COLEC12: variants seen among roughly 807,000 people sequenced by gnomAD.
COLEC12 encodes the protein collectin subfamily member 12, also known as collectin-12.
In COLEC12, 33 loss-of-function variants were observed where a neutral mutation model predicts 71.1. The ratio of observed to expected loss-of-function variants is 0.46; its 90% CI spans 0.35 to 0.62. COLEC12 has a LOEUF of 0.62. Ranked by LOEUF, COLEC12 falls within the 20% of genes least tolerant of loss-of-function variation. The probability of loss-of-function intolerance (pLI) is 0.00; values close to 1 mark genes in which losing one functional copy is unlikely to be tolerated. For synonymous variants in COLEC12, 350 were observed against 353.0 expected (o/e 0.99, Z 0.10); for missense variants, 765 against 916.1 (o/e 0.84, Z 2.13).
In COLEC12 at chr18:410,878, C is replaced by T. The variant is rs577872286; in HGVS notation, c.59-53356G>A. The stretch of plus-strand genomic sequence containing the variant: ...CTTTTCAATAATAAATGCTCAACAC[C>T]AGCCAAAAACCACAGAATCCCCACC... On this transcript the variant is annotated intron_variant, in intron 2 of 9. Coordinates refer to ENST00000400256, the MANE Select transcript of COLEC12 (RefSeq NM_130386.3). 3.9e-5 allele frequency among the ~76,000 whole-genome samples: 6 copies of T among 152,266 alleles called. No homozygotes were observed. The South Asian group carries it at 1.2e-3, about 32-fold the overall frequency.
intron 2 of COLEC12, among the ~76,000 whole-genome samples, chr18:414,511 T>C (rs1285317670): frequency 6.6e-6 from 1 of 151,986 alleles, no homozygotes. Context: ...GGCAGGAGAA[T>C]CACTTGAACC....
intron 2 of COLEC12, among the ~76,000 whole-genome samples, chr18:385,035 G>A (rs1050332273): frequency 6.6e-6 from 1 of 152,230 alleles, no homozygotes; most frequent in Admixed American, 6.5e-5. Flanking sequence ...ATTTAAGAAG[G>A]CAGAACTCTG....
chr18:485,263 A>G (rs1917498114), intron 1 of COLEC12, among the ~76,000 whole-genome samples: 2 of 152,228 alleles, frequency 1.3e-5, no homozygotes, highest in Non-Finnish European at 2.9e-5. Flanking sequence ...CTCTTTAGCA[A>G]CTTAATACTT....
chr18:348,006 A>C lies in COLEC12; in HGVS notation c.280+59T>G. On this transcript the variant is annotated intron_variant, in intron 4 of 9. Transcript: ENST00000400256. ...AGTTTATAGCAACATCATTCTAAGAAGCTGTGGTCATTTATGTAGAGTCAG... is the reference window on the plus strand; with the variant it reads ...AGTTTATAGCAACATCATTCTAAGACGCTGTGGTCATTTATGTAGAGTCAG... 5.3e-6 allele frequency: 6 copies of C among 1,122,820 alleles called. No homozygotes were observed. In the South Asian group the frequency reaches 7.9e-5, roughly 15 times the overall value. The allele number at this position is 1,122,820 out of a possible 1,614,324, so 69.6% of individuals were successfully genotyped here. A position where few individuals can be genotyped will look rare whatever the true frequency, so the allele number is the denominator to read the frequency against.
intron 2 of COLEC12, among the ~76,000 whole-genome samples, chr18:423,591 T>C (rs1916140423): frequency 6.6e-6 from 1 of 152,162 alleles, no homozygotes; most frequent in Admixed American, 6.5e-5. Flanking sequence ...CTTAAGAAAT[T>C]ACTCTTTCTA....
intron 3 of COLEC12, among the ~76,000 whole-genome samples, chr18:351,339 T>C (rs1045229702): frequency 6.6e-6 from 1 of 152,020 alleles, no homozygotes; most frequent in Non-Finnish European, 1.5e-5. Context: ...TCTTCAAGAC[T>C]CTGCTTGTCA....
intron 3 of COLEC12, among the ~76,000 whole-genome samples, chr18:352,284 A>G (rs1002221757): frequency 6.6e-6 from 1 of 152,180 alleles, no homozygotes; most frequent in African/African-American, 2.4e-5. Flanking sequence ...TTTGATCCTC[A>G]AATCAAAACA....
intron 2 of COLEC12, among the ~76,000 whole-genome samples, chr18:406,240 T>G (rs138063633): frequency 6.6e-6 from 1 of 152,272 alleles, no homozygotes; most frequent in Non-Finnish European, 1.5e-5. Context: ...CCGGGCGCAG[T>G]GGCTCACGCC....
intron 2 of COLEC12, among the ~76,000 whole-genome samples, chr18:452,376 G>T (rs1017634836): frequency 6.6e-6 from 1 of 152,266 alleles, no homozygotes; most frequent in South Asian, 2.1e-4. Flanking sequence ...GCTATAGTAA[G>T]AATTAATTGA....
chr18:376,576 G>A (rs1034766398), intron 2 of COLEC12, among the ~76,000 whole-genome samples: 4 of 152,186 alleles, frequency 2.6e-5, no homozygotes, highest in Admixed American at 2.0e-4. Context: ...CCCATGACTG[G>A]ACTATCTAGT....
intron 3 of COLEC12, among the ~76,000 whole-genome samples, chr18:354,140 A>T (rs73373556): frequency 0.04 from 6,144 of 152,322 alleles, 377 homozygotes; most frequent in African/African-American, 0.13. Context: ...AAGAAACATG[A>T]CACATTGAAC....
chr18:438,907 C>T lies in COLEC12; in HGVS notation c.58+41800G>A, dbSNP rs142562306. ...GAAGACCAGAGCTAAAGTTAGGAGA[C>T]GAGGCCATGATGGTGAGGAGTTAAA... On this transcript the variant is annotated intron_variant, in intron 2 of 9. Coordinates refer to ENST00000400256, the MANE Select transcript of COLEC12 (RefSeq NM_130386.3). Among the ~76,000 whole-genome samples, 576 of 151,484 alleles carry T rather than the reference C, an allele frequency of 3.8e-3. 1 individual carries two copies. The highest frequency in any genetic ancestry group is 6.1e-3 in the Non-Finnish European group (414 of 67,944).
chr18:386,819 T>C (rs1915354789), intron 2 of COLEC12, among the ~76,000 whole-genome samples: 2 of 152,208 alleles, frequency 1.3e-5, no homozygotes, highest in South Asian at 2.1e-4. Flanking sequence ...CTAGTTTCCA[T>C]AGGTCTCAAA....
In COLEC12 at chr18:331,686, C is replaced by T. The variant is rs762898234; in HGVS notation, c.2045G>A (p.Gly682Glu). 6.2e-7 allele frequency: 1 copy of T among 1,610,382 alleles called. No individual in the cohort carries two copies. Among genetic ancestry groups the T allele is most frequent in the South Asian group, 1.1e-5 (1 of 91,000 alleles). Residue 682 changes from glycine to glutamate, a missense_variant, in exon 8 of 10, where the codon GGG (glycine) becomes GAG (glutamate). Coordinates refer to ENST00000400256, the MANE Select transcript of COLEC12 (RefSeq NM_130386.3). The stretch of plus-strand genomic sequence containing the variant: ...TACTTACTTGTAGTCTGGAGATGTC[C>T]CATCCAGCCACTTCCATTCATTTTC... ...ERENEWKWLD[G>E]TSPDYKNWKA...
intron 2 of COLEC12, among the ~76,000 whole-genome samples, chr18:437,663 T>A (rs1312970100): frequency 6.6e-6 from 1 of 152,222 alleles, no homozygotes; most frequent in Non-Finnish European, 1.5e-5. Context: ...CTGATTTGGA[T>A]AAGTGGCTTG....
intron 2 of COLEC12, among the ~76,000 whole-genome samples, chr18:468,792 G>A (rs187653258): frequency 1.4e-4 from 22 of 152,264 alleles, no homozygotes; most frequent in African/African-American, 4.3e-4. Flanking sequence ...AAAGACTGGC[G>A]GTGCAAATTT....
chr18:383,596 G>A lies in COLEC12; in HGVS notation c.59-26074C>T, dbSNP rs950240239. 4.6e-5 allele frequency among the ~76,000 whole-genome samples: 7 copies of A among 152,298 alleles called. No homozygotes were observed. The South Asian group carries it at 1.4e-3, about 32-fold the overall frequency. ...ACTAAAAACCAAGAAACAACCATGA[G>A]TTTTAGCTTACGGAGAGATCTATCC... On this transcript the variant is annotated intron_variant, in intron 2 of 9. Coordinates refer to ENST00000400256, the MANE Select transcript of COLEC12 (RefSeq NM_130386.3).
intron 2 of COLEC12, among the ~76,000 whole-genome samples, chr18:436,960 C>T (rs1262733379): frequency 6.6e-6 from 1 of 152,152 alleles, no homozygotes; most frequent in African/African-American, 2.4e-5. Context: ...AATACTTGTG[C>T]TTTTCAGAAA....
At chr18:499,963 G>A (rs67506641) in intron 1 of COLEC12, among the ~76,000 whole-genome samples, 32,309 of 152,194 alleles carry the variant, frequency 0.21, 3,394 homozygotes, top group Middle Eastern at 0.26. Context: ...GATGCCAAAT[G>A]CACTTCCCGA....
Sources: gnomAD v4.1 joint callset for allele counts (sites outside exome capture counted in the v4.1 genomes callset) on GRCh38, gnomAD v4.1.1 for gene constraint, MANE v1.5 for transcripts, NCBI Gene and HGNC (gene_info 2026-07-23, HGNC 2026-07-21) for gene names.